Variants in SUGCT observed in about 807,000 individuals in gnomAD.
SUGCT encodes succinyl-CoA:glutarate-CoA transferase.
SUGCT carries 41 observed loss-of-function variants against 55.0 expected under a neutral mutation model. That is an observed-to-expected ratio of 0.74 (90% CI 0.58 to 0.97). SUGCT has a LOEUF of 0.97. Ranked by LOEUF, SUGCT falls within the 50% of genes least tolerant of loss-of-function variation. The pLI is 0.00. For missense variants in SUGCT, 568 were observed against 547.8 expected (o/e 1.04, Z -0.37); for synonymous variants, 187 against 200.4 (o/e 0.93, Z 0.56).
intron 12 of SUGCT, among the ~76,000 whole-genome samples, chr7:40,575,119 C>CGGGGG (rs1210366162): frequency 1.0e-5 from 1 of 99,142 alleles, no homozygotes; most frequent in African/African-American, 4.6e-5. Flanking sequence ...AGGAGGGTGG[C>CGGGGG]GGGGGTGGGG....
chr7:40,471,576 G>A (rs1790405528), intron 11 of SUGCT, among the ~76,000 whole-genome samples: 1 of 151,952 alleles, frequency 6.6e-6, no homozygotes, highest in Admixed American at 6.6e-5. Flanking sequence ...TCTTGGCTAG[G>A]AAGACTAAAT....
rs549520273 is a variant in SUGCT, at chr7:40,452,245, G to A, written c.888+2887G>A. Among the ~76,000 whole-genome samples, 3 of 152,318 alleles carry A rather than the reference G, an allele frequency of 2.0e-5. No individual in the cohort carries two copies. The South Asian group carries it at 6.2e-4, about 32-fold the overall frequency. On this transcript the variant is annotated intron_variant, in intron 10 of 13. Transcript: ENST00000335693. ...AGTCCTACTTAATGTTCCTTACCAT[G>A]ATACAGCAAAGTATGAAAGTGAGCA...
At chr7:40,654,312 A>C (rs1212054975) in intron 12 of SUGCT, among the ~76,000 whole-genome samples, 1 of 152,222 alleles carries the variant, frequency 6.6e-6, no homozygotes, top group Non-Finnish European at 1.5e-5. Flanking sequence ...ACAAGCTTGC[A>C]CATCCTATAA....
chr7:40,880,726 A>G, the SUGCT span, among the ~76,000 whole-genome samples: 1 of 152,174 alleles, frequency 6.6e-6, no homozygotes, highest in African/African-American at 2.4e-5. Context: ...TTGCCTTCCA[A>G]CTCTAATGGT....
At chr7:40,234,979 T>C (rs1788930312) in intron 6 of SUGCT, among the ~76,000 whole-genome samples, 1 of 152,100 alleles carries the variant, frequency 6.6e-6, no homozygotes, top group Non-Finnish European at 1.5e-5. Flanking sequence ...ACAGTTCTAA[T>C]TGAAAGATAG....
chr7:40,461,531 C>T (rs2151450429), intron 11 of SUGCT, among the ~76,000 whole-genome samples: 1 of 152,262 alleles, frequency 6.6e-6, no homozygotes, highest in South Asian at 2.1e-4. Context: ...GTTCTAGAAG[C>T]CTCTGTTCCC....
intron 9 of SUGCT, among the ~76,000 whole-genome samples, chr7:40,354,797 G>A (rs566225230): frequency 6.6e-6 from 1 of 152,340 alleles, no homozygotes; most frequent in South Asian, 2.1e-4. Context: ...GTAGTAGCAG[G>A]AGATGAGGCT....
At chr7:40,998,756 G>T in the SUGCT span, among the ~76,000 whole-genome samples, 1 of 152,194 alleles carries the variant, frequency 6.6e-6, no homozygotes, top group South Asian at 2.1e-4. Flanking sequence ...CTCCTCATTG[G>T]TGGTGACACC....
At chr7:40,261,551 T>C (rs1021377487) in intron 7 of SUGCT, among the ~76,000 whole-genome samples, 1 of 152,218 alleles carries the variant, frequency 6.6e-6, no homozygotes, top group Non-Finnish European at 1.5e-5. Context: ...AGCTCCTTTC[T>C]CCATTGTAGT....
chr7:40,363,789 G>C (rs1433307838), intron 9 of SUGCT, among the ~76,000 whole-genome samples: 1 of 152,104 alleles, frequency 6.6e-6, no homozygotes, highest in African/African-American at 2.4e-5. Context: ...TGTATATTCT[G>C]TTGATTTGGG....
At chr7:40,957,138 T>C in the SUGCT span, among the ~76,000 whole-genome samples, 2 of 152,232 alleles carry the variant, frequency 1.3e-5, no homozygotes, top group South Asian at 2.1e-4. Context: ...TTAGGTCCAC[T>C]TGGTCCAGAG....
intron 12 of SUGCT, among the ~76,000 whole-genome samples, chr7:40,724,129 A>C (rs1223428842): frequency 6.6e-6 from 1 of 151,930 alleles, no homozygotes; most frequent in African/African-American, 2.4e-5. Flanking sequence ...AAATTAAGGC[A>C]AAAAAAATGA....
intron 5 of SUGCT, among the ~76,000 whole-genome samples, chr7:40,191,841 G>C (rs944302157): frequency 1.3e-5 from 2 of 152,118 alleles, no homozygotes; most frequent in Admixed American, 1.3e-4. Context: ...CAGGCATGGT[G>C]GCTCACGCCT....
At chr7:40,278,032 G>A (rs1792655815) in intron 8 of SUGCT, among the ~76,000 whole-genome samples, 1 of 152,026 alleles carries the variant, frequency 6.6e-6, no homozygotes, top group South Asian at 2.1e-4. Context: ...CATTTTTTAT[G>A]GCTGCATAGT....
At chr7:40,920,312 T>G in the SUGCT span, among the ~76,000 whole-genome samples, 4 of 152,232 alleles carry the variant, frequency 2.6e-5, no homozygotes, top group Non-Finnish European at 5.9e-5. Flanking sequence ...TGAATTGGCT[T>G]CTTCTGTGAG....
intron 8 of SUGCT, among the ~76,000 whole-genome samples, chr7:40,287,358 A>G (rs1256075539): frequency 6.6e-6 from 1 of 152,042 alleles, no homozygotes; most frequent in Non-Finnish European, 1.5e-5. Flanking sequence ...TTTCTTGCCT[A>G]ATTGCCCTGG....
At chr7:40,965,660 C>T in the SUGCT span, 1 of 152,148 alleles carries the variant, frequency 6.6e-6, no homozygotes. Flanking sequence ...ATAAAACATA[C>T]TTTTGTCTTT....
At chr7:40,151,083 C>A (rs184832102) in intron 1 of SUGCT, among the ~76,000 whole-genome samples, 122 of 151,868 alleles carry the variant, frequency 8.0e-4, no homozygotes, top group African/African-American at 2.7e-3. Context: ...AAAATACACA[C>A]AAAAAAATTA....
Position 40,220,408 on chromosome 7 carries a change from A to G in SUGCT, c.485-17227A>G, listed in dbSNP as rs548534345. Among the ~76,000 whole-genome samples the G allele has an allele frequency of 3.9e-5, 6 of 152,354 alleles. No individual in the cohort carries two copies. The East Asian group carries it at 1.2e-3, about 29-fold the overall frequency. On this transcript the variant is annotated intron_variant, in intron 6 of 13. Transcript: ENST00000335693. ...CCTGGCTTTGCAACTTGACTATATC[A>G]GGAGGAAAGTTGTTATTGGTTCATG...
Sources: gnomAD v4.1 joint callset for allele counts (sites outside exome capture counted in the v4.1 genomes callset) on GRCh38, gnomAD v4.1.1 for gene constraint, MANE v1.5 for transcripts, NCBI Gene and HGNC (gene_info 2026-07-23, HGNC 2026-07-21) for gene names.